The following UFL1 variants were observed in gnomAD, a reference collection of about 807,000 sequenced individuals.
UFL1 encodes the protein E3 UFM1-protein ligase 1.
In UFL1, 78 loss-of-function variants were observed where a neutral mutation model predicts 99.3. The observed-to-expected ratio is 0.79, with a 90% confidence interval of 0.65 to 0.95. UFL1 has a LOEUF of 0.95. Among genes scored for constraint, UFL1 ranks in the 40% least tolerant of loss-of-function variants. UFL1 has a pLI of 0.00. For synonymous variants in UFL1, 335 were observed against 322.2 expected (o/e 1.04, Z -0.42); for missense variants, 936 against 937.0 (o/e 1.00, Z 0.01).
At chr6:96,523,706 A>G (rs923609963) in intron 2 of UFL1, among the ~76,000 whole-genome samples, 5 of 152,182 alleles carry the variant, frequency 3.3e-5, no homozygotes, top group Admixed American at 1.3e-4. Flanking sequence ...TGTACTTACA[A>G]ATTAGGTAAC....
At chr6:96,522,610 A>G (rs187199134) in intron 1 of UFL1, among the ~76,000 whole-genome samples, 3 of 152,218 alleles carry the variant, frequency 2.0e-5, no homozygotes, top group African/African-American at 7.2e-5. Flanking sequence ...GAAGACAGCA[A>G]TCCCCTTATG....
intron 7 of UFL1, 132 bp from the exon 8 acceptor site, chr6:96,536,112 T>C: frequency 1.2e-6 from 1 of 842,382 alleles, no homozygotes. Flanking sequence ...ACTACCTTTA[T>C]TTATGCTATT....
At chr6:96,534,421 GTAAC>G in intron 7 of UFL1, 100 bp downstream of exon 7, 1 of 917,538 alleles carries the variant, frequency 1.1e-6, no homozygotes, top group Non-Finnish European at 1.5e-6. Context: ...TATTGTTAAT[GTAAC>G]TAAAATATTT....
At chr6:96,530,968 A>T (rs1425189512) in intron 6 of UFL1, among the ~76,000 whole-genome samples, 2 of 152,232 alleles carry the variant, frequency 1.3e-5, no homozygotes, top group East Asian at 3.8e-4. Context: ...GCAGCAGGTG[A>T]GGGTGGGCAA....
chr6:96,540,048 T>C (rs1285926147), intron 10 of UFL1, among the ~76,000 whole-genome samples: 3 of 142,396 alleles, frequency 2.1e-5, no homozygotes, highest in Non-Finnish European at 1.5e-5. Context: ...GCAGAAATTA[T>C]CAAGAATGAA....
At chr6:96,551,567 A>G (rs868187121) in intron 16 of UFL1, 54 bp downstream of exon 16, 67 of 1,214,258 alleles carry the variant, frequency 5.5e-5, no homozygotes, top group Middle Eastern at 2.1e-4. Flanking sequence ...TGTTACAAAG[A>G]TCTTTGAGTA....
intron 2 of UFL1, among the ~76,000 whole-genome samples, chr6:96,524,167 TAAA>T (rs76513020): frequency 2.1e-5 from 3 of 141,010 alleles, no homozygotes; most frequent in African/African-American, 7.8e-5. Flanking sequence ...TGATGTTATT[TAAA>T]AAAAAAAAAA....
intron 1 of UFL1, 117 bp from the exon 2 acceptor site, chr6:96,523,029 G>GT (rs1220743930): frequency 1.7e-5 from 16 of 930,774 alleles, no homozygotes; most frequent in Non-Finnish European, 9.2e-6. Context: ...ATATTGTGAT[G>GT]TAGAAGTTAG....
intron 12 of UFL1, among the ~76,000 whole-genome samples, chr6:96,544,648 ATCTT>A (rs1216488110): frequency 6.6e-6 from 1 of 151,068 alleles, no homozygotes; most frequent in African/African-American, 2.4e-5. Flanking sequence ...AAGGAAAAGT[ATCTT>A]TATAGGAACT....
chr6:96,522,071 TCTC>T (rs1294311170), intron 1 of UFL1, 121 bp downstream of exon 1: 2 of 1,125,456 alleles, frequency 1.8e-6, no homozygotes, highest in Non-Finnish European at 2.5e-6. Flanking sequence ...GTCACCATTC[TCTC>T]CTCCTCCCTC....
At chr6:96,523,027 A>T (rs191578901) in intron 1 of UFL1, 119 bp from the exon 2 acceptor site, 2 of 886,470 alleles carry the variant, frequency 2.3e-6, no homozygotes, top group Admixed American at 3.2e-5. Flanking sequence ...AGATATTGTG[A>T]TGTAGAAGTT....
chr6:96,526,455 T>C lies in UFL1; in HGVS notation c.465+20T>C. The C allele has an allele frequency of 6.3e-7, 1 of 1,580,100 alleles. No individual in the cohort carries two copies. Among genetic ancestry groups the C allele is most frequent in the Non-Finnish European group, 8.7e-7 (1 of 1,154,824 alleles). The stretch of plus-strand genomic sequence containing the variant: ...ACACAGGTATTTTTTTTCCTAATAA[T>C]ACAATGTGTCTTTTTACCAAAGGAT... On this transcript the variant is annotated intron_variant, in intron 5 of 18. Coordinates refer to ENST00000369278, the MANE Select transcript of UFL1 (RefSeq NM_015323.5).
chr6:96,523,415 T>C, intron 2 of UFL1, 124 bp downstream of exon 2: 1 of 1,090,074 alleles, frequency 9.2e-7, no homozygotes, highest in Non-Finnish European at 1.3e-6. Context: ...TTTTCAATTG[T>C]TAATTTGATA....
At chr6:96,552,255 C>CT (rs1418121766) in intron 17 of UFL1, among the ~76,000 whole-genome samples, 1 of 152,046 alleles carries the variant, frequency 6.6e-6, no homozygotes, top group Non-Finnish European at 1.5e-5. Context: ...AAAAAACATA[C>CT]TTTGAGTATT....
chr6:96,543,491 T>C (rs1769958799), intron 12 of UFL1, among the ~76,000 whole-genome samples: 1 of 151,140 alleles, frequency 6.6e-6, no homozygotes, highest in Admixed American at 6.6e-5. Context: ...GATAAAAGCG[T>C]AGCAAAGAAA....
Position 96,526,394 on chromosome 6 carries a change from CTG to C in UFL1, c.428_429del (p.Cys143Ter). Reference protein sequence around the residue: ...QESGQVTISELCKTYDLPGNF... With the variant: ...QESGQVTISEXCKTYDLPGNF... ...AAGTGGTCAGGTCACCATATCAGAA[CTG>C]TGTAAAACTTATGATCTTCCTGGGA... On this transcript the variant is annotated frameshift_variant, in exon 5 of 19. Coordinates refer to ENST00000369278, the MANE Select transcript of UFL1 (RefSeq NM_015323.5). LOFTEE classifies it high-confidence loss of function. 1 of 1,612,934 alleles carries C rather than the reference CTG, an allele frequency of 6.2e-7. No homozygotes were observed.
rs1224640108 is a variant in UFL1, at chr6:96,534,263, G to C, written c.597G>C (p.Arg199=). Residue 199 remains arginine, a splice_region_variant and synonymous_variant, in exon 7 of 19, where the codon CGG becomes CGC. Coordinates refer to ENST00000369278, the MANE Select transcript of UFL1 (RefSeq NM_015323.5). ...TTTTTTTTTTTAACTTTCCATAAAG[G>C]CCTACAGCTGTGAATTCTTTGATTT... The part of the protein sequence containing the change: ...RIRGLFSAIT[R]PTAVNSLISK... 5.1e-6 allele frequency: 8 copies of C among 1,557,554 alleles called. No homozygotes were observed. In the East Asian group the frequency reaches 1.8e-4, roughly 36 times the overall value.
intron 12 of UFL1, among the ~76,000 whole-genome samples, chr6:96,545,761 G>A (rs1345915205): frequency 1.3e-5 from 2 of 150,910 alleles, no homozygotes; most frequent in African/African-American, 4.9e-5. Flanking sequence ...TTTTCTGATT[G>A]ACTTATAGAA....
At chr6:96,524,294 G>T in intron 2 of UFL1, 88 bp from the exon 3 acceptor site, 2 of 1,280,346 alleles carry the variant, frequency 1.6e-6, no homozygotes, top group South Asian at 2.9e-5. Context: ...GCAGGACTTT[G>T]ACCAAAACTT....
Sources: gnomAD v4.1 joint callset for allele counts (sites outside exome capture counted in the v4.1 genomes callset) on GRCh38, gnomAD v4.1.1 for gene constraint, MANE v1.5 for transcripts, NCBI Gene and HGNC (gene_info 2026-07-23, HGNC 2026-07-21) for gene names.